The following ANKFN1 variants were observed in gnomAD, a reference collection of about 807,000 sequenced individuals.
ANKFN1 encodes the protein ankyrin repeat and fibronectin type III domain containing 1, also known as ankyrin repeat and fibronectin type-III domain-containing protein 1.
ANKFN1 carries 74 observed loss-of-function variants against 108.7 expected under a neutral mutation model. The observed-to-expected ratio is 0.68, with a 90% CI of 0.56 to 0.83. The LOEUF is 0.83. Among genes scored for constraint, ANKFN1 ranks in the 40% least tolerant of loss-of-function variants. The pLI is 0.00. For synonymous variants in ANKFN1, 547 were observed against 516.2 expected (o/e 1.06, Z -0.81); for missense variants, 1,505 against 1,382.3 (o/e 1.09, Z -1.41).
At chr17:56,433,566 G>A (rs2048830426) in intron 8 of ANKFN1, among the ~76,000 whole-genome samples, 1 of 152,072 alleles carries the variant, frequency 6.6e-6, no homozygotes, top group South Asian at 2.1e-4. Flanking sequence ...TCTAAGTGAA[G>A]TACTCAGAAA....
At chr17:56,119,575 A>G (rs1170083876) in intron 4 of ANKFN1, among the ~76,000 whole-genome samples, 1 of 152,296 alleles carries the variant, frequency 6.6e-6, no homozygotes, top group East Asian at 1.9e-4. Flanking sequence ...CAGGGAAAGA[A>G]ACATGGTTCA....
intron 8 of ANKFN1, among the ~76,000 whole-genome samples, chr17:56,418,498 G>C (rs1337074101): frequency 6.6e-6 from 1 of 152,096 alleles, no homozygotes; most frequent in Non-Finnish European, 1.5e-5. Context: ...TAGAAGTTTT[G>C]CTTAAGATGG....
intron 4 of ANKFN1, among the ~76,000 whole-genome samples, chr17:56,133,430 T>A (rs565427539): frequency 1.3e-5 from 2 of 152,196 alleles, no homozygotes; most frequent in African/African-American, 2.4e-5. Context: ...TCCTACTGTG[T>A]TTTCCTTTGT....
At chr17:56,154,869 T>C (rs1179944327) in intron 1 of ANKFN1, among the ~76,000 whole-genome samples, 3 of 151,534 alleles carry the variant, frequency 2.0e-5, no homozygotes, top group South Asian at 2.1e-4. Flanking sequence ...ACTAGTCTTG[T>C]GGTCAGAAGA....
chr17:56,230,975 G>T (rs1271542967), intron 3 of ANKFN1, among the ~76,000 whole-genome samples: 1 of 152,092 alleles, frequency 6.6e-6, no homozygotes, highest in Non-Finnish European at 1.5e-5. Flanking sequence ...AGTCAGAAAA[G>T]AACGCTAGAG....
At chr17:56,161,926 G>T (rs1298968050) in intron 1 of ANKFN1, among the ~76,000 whole-genome samples, 1 of 152,248 alleles carries the variant, frequency 6.6e-6, no homozygotes. Flanking sequence ...AATGCAGGAT[G>T]CAGGCAGCAA....
At chr17:56,229,905 G>A (rs906293641) in intron 3 of ANKFN1, among the ~76,000 whole-genome samples, 6 of 152,046 alleles carry the variant, frequency 3.9e-5, no homozygotes, top group Non-Finnish European at 5.9e-5. Flanking sequence ...CCGGGGAAAG[G>A]TTGGTCTGAC....
intron 4 of ANKFN1, among the ~76,000 whole-genome samples, chr17:56,068,560 G>A (rs1465198397): frequency 2.0e-5 from 3 of 152,206 alleles, no homozygotes; most frequent in African/African-American, 7.2e-5. Flanking sequence ...CAGCCCCAGG[G>A]CACACAGCAG....
intron 3 of ANKFN1, among the ~76,000 whole-genome samples, chr17:56,324,468 C>T (rs998760206): frequency 1.3e-5 from 2 of 152,136 alleles, no homozygotes; most frequent in Non-Finnish European, 2.9e-5. Context: ...CTGCATGGCA[C>T]GTGTAACTCA....
At chr17:56,397,397 T>G (rs916743352) in intron 8 of ANKFN1, among the ~76,000 whole-genome samples, 1 of 152,236 alleles carries the variant, frequency 6.6e-6, no homozygotes, top group Non-Finnish European at 1.5e-5. Flanking sequence ...GTGGTTAAAC[T>G]GTTCACTGCC....
At chr17:56,282,970 G>A (rs79493717) in intron 3 of ANKFN1, among the ~76,000 whole-genome samples, 1 of 152,068 alleles carries the variant, frequency 6.6e-6, no homozygotes, top group Non-Finnish European at 1.5e-5. Context: ...ATTTTATTTT[G>A]TATTTTAACT....
chr17:56,477,386 C>T, intron 15 of ANKFN1, 102 bp from the exon 16 acceptor site: 1 of 1,183,310 alleles, frequency 8.5e-7, no homozygotes, highest in Admixed American at 3.2e-5. Flanking sequence ...AGTGACAGCT[C>T]CTTTCATTCA....
chr17:56,313,436 C>A (rs2045103600), intron 3 of ANKFN1, among the ~76,000 whole-genome samples: 1 of 152,150 alleles, frequency 6.6e-6, no homozygotes, highest in South Asian at 2.1e-4. Context: ...GTTCCCCAAG[C>A]AGTGTGCCAC....
At chr17:56,076,504 A>C (rs575328818) in intron 4 of ANKFN1, among the ~76,000 whole-genome samples, 2 of 152,274 alleles carry the variant, frequency 1.3e-5, no homozygotes, top group South Asian at 4.2e-4. Context: ...AGCCTCTACT[A>C]TGGGGGCACT....
At chr17:56,283,536 T>TATATATATATATATATATATA (rs1555622132) in intron 3 of ANKFN1, among the ~76,000 whole-genome samples, 1 of 149,960 alleles carries the variant, frequency 6.7e-6, no homozygotes, top group African/African-American at 2.5e-5. Context: ...TATATATATA[T>TATATATATATATATATATATA]ATGATGGAAT....
intron 3 of ANKFN1, among the ~76,000 whole-genome samples, chr17:56,309,834 T>TTC (rs554755610): frequency 6.6e-6 from 1 of 152,160 alleles, no homozygotes; most frequent in Non-Finnish European, 1.5e-5. Flanking sequence ...TGTAAATGTG[T>TTC]TCTCTCTCTC....
chr17:56,061,127 T>C (rs541249015), intron 4 of ANKFN1, among the ~76,000 whole-genome samples: 2 of 152,264 alleles, frequency 1.3e-5, no homozygotes, highest in East Asian at 3.9e-4. Flanking sequence ...TATTGGTCTA[T>C]TCAGGGATTC....
rs1795911012 is a variant in ANKFN1, at chr17:56,511,412, C to G, written c.*143C>G. The G allele has an allele frequency of 9.9e-7, 1 of 1,006,696 alleles. No homozygotes were observed. Among genetic ancestry groups the G allele is most frequent in the Non-Finnish European group, 1.4e-6 (1 of 712,820 alleles). 62.4% of individuals were successfully genotyped at this position (1,006,696 alleles called of 1,614,324 possible). A position where few individuals can be genotyped will look rare whatever the true frequency, so the allele number is the denominator to read the frequency against. On this transcript the variant is annotated 3_prime_UTR_variant, in exon 21 of 21. Transcript: ENST00000682825. ...ATACAAAGGTTACAAGTTCAAGGTC[C>G]TCTTTTTTTGGAACAGAGTGGTGGG... is the stretch of plus-strand genomic sequence containing the variant.
intron 18 of ANKFN1, among the ~76,000 whole-genome samples, chr17:56,491,444 G>A (rs1487243201): frequency 6.6e-6 from 1 of 152,158 alleles, no homozygotes; most frequent in Non-Finnish European, 1.5e-5. Flanking sequence ...ATCTCAAGCT[G>A]CCTATACCAG....
Sources: gnomAD v4.1 joint callset for allele counts (sites outside exome capture counted in the v4.1 genomes callset) on GRCh38, gnomAD v4.1.1 for gene constraint, MANE v1.5 for transcripts, NCBI Gene and HGNC (gene_info 2026-07-23, HGNC 2026-07-21) for gene names.